IST1: variants seen among roughly 807,000 people sequenced by gnomAD.
The protein encoded by IST1 is IST1 homolog.
Under a neutral mutation model 37.0 loss-of-function variants are expected in IST1, and 23 were observed. The observed-to-expected ratio is 0.62, with a 90% CI of 0.45 to 0.88. The LOEUF (loss-of-function observed/expected upper bound fraction) is 0.88. Ranked by LOEUF, IST1 falls within the 40% of genes least tolerant of loss-of-function variation. IST1 has a pLI of 0.00. For missense variants in IST1, 488 were observed against 445.4 expected, an observed-to-expected ratio of 1.10 and a Z score of -0.86; for synonymous variants, 180 against 161.7, an observed-to-expected ratio of 1.11 and a Z score of -0.86.
At chr16:71,927,590 CGTT>C (rs777911119) in intron 9 of IST1, 21 bp from the exon 10 acceptor site, 5 of 1,544,940 alleles carry the variant, frequency 3.2e-6, no homozygotes, top group Non-Finnish European at 2.7e-6. Context: ...GTATTTGTAA[CGTT>C]GTGCTCCTTG....
chr16:71,895,871 C>T (rs537917281), intron 1 of IST1, among the ~76,000 whole-genome samples: 2 of 152,338 alleles, frequency 1.3e-5, no homozygotes, highest in East Asian at 1.9e-4. Context: ...CTTAACTTTC[C>T]CCTAGTCTTC....
chr16:71,916,730 CA>C, intron 3 of IST1, 88 bp downstream of exon 3: 1 of 1,128,354 alleles, frequency 8.9e-7, no homozygotes, highest in Non-Finnish European at 1.3e-6. Flanking sequence ...GGGACTATTT[CA>C]CATGCCCAAG....
intron 8 of IST1, chr16:71,924,096 G>A (rs2037678439): frequency 2.2e-6 from 1 of 455,778 alleles, no homozygotes; most frequent in Non-Finnish European, 4.4e-6. Context: ...TGTAGCTGAT[G>A]TGTTCTACCT....
rs1301708687 is a variant in IST1, at chr16:71,927,654, C to CA, written c.943dup (p.Arg315LysfsTer5). 1 of 1,613,810 alleles carries CA rather than the reference C, an allele frequency of 6.2e-7. No homozygotes were observed. ...CAGAAGCCTCTGCAAAGCTTCCTTC[C>CA]AGACCTGCAGATAACTATGACAACT... On this transcript the variant is annotated frameshift_variant, in exon 10 of 10. Transcript: ENST00000378799. LOFTEE classifies it high-confidence loss of function.
intron 3 of IST1, 137 bp from the exon 4 acceptor site, chr16:71,916,910 C>G (rs1229666578): frequency 2.3e-5 from 14 of 616,394 alleles, no homozygotes; most frequent in Non-Finnish European, 3.3e-5. Context: ...ACGAAAATGG[C>G]TAGAAGCCTA....
At chr16:71,922,909 A>G (rs2037641084) in intron 7 of IST1, 2 of 584,036 alleles carry the variant, frequency 3.4e-6, no homozygotes, top group Admixed American at 3.1e-5. Flanking sequence ...CACTTTTCAT[A>G]TAGGTTTACT....
chr16:71,921,898 G>A lies in IST1; in HGVS notation c.552+445G>A, dbSNP rs2037596162. 1.3e-4 allele frequency: 25 copies of A among 185,780 alleles called. 1 individual carries two copies. In the South Asian group the frequency reaches 2.4e-3, roughly 18 times the overall value. The allele number at this position is 185,780 out of a possible 1,614,324, so 11.5% of individuals were successfully genotyped here. ...CACGCCTGTAATCCCAGCACTTTGG[G>A]AGGCCGAGGCAGGCGGATCACAAGG... On this transcript the variant is annotated intron_variant, in intron 6 of 9. Transcript: ENST00000378799.
intron 1 of IST1, chr16:71,903,599 C>G (rs527656132): frequency 2.0e-5 from 3 of 152,228 alleles, no homozygotes; most frequent in South Asian, 4.2e-4. Context: ...GAGACGAGGT[C>G]TTACTGTGTT....
chr16:71,926,777 G>C (rs1351271007), intron 9 of IST1, among the ~76,000 whole-genome samples: 1 of 151,970 alleles, frequency 6.6e-6, no homozygotes, highest in African/African-American at 2.4e-5. Context: ...GCACTATTTT[G>C]ATTTTTTTGT....
chr16:71,902,006 A>G (rs576888820), intron 1 of IST1, among the ~76,000 whole-genome samples: 2 of 152,372 alleles, frequency 1.3e-5, no homozygotes, highest in South Asian at 4.1e-4. Context: ...GAGGCTAGCT[A>G]ATCTTTAGAT....
intron 9 of IST1, among the ~76,000 whole-genome samples, chr16:71,926,413 G>C (rs529565654): frequency 6.6e-6 from 1 of 151,082 alleles, no homozygotes; most frequent in Non-Finnish European, 1.5e-5. Context: ...GCGTGATCTC[G>C]GCTCATTGCA....
At chr16:71,906,603 C>T (rs1372910394) in intron 1 of IST1, among the ~76,000 whole-genome samples, 2 of 152,122 alleles carry the variant, frequency 1.3e-5, no homozygotes, top group Non-Finnish European at 2.9e-5. Flanking sequence ...AGGTGTGAGC[C>T]ACCAGACCTG....
At chr16:71,901,710 TCTTTC>T (rs1023028627) in intron 1 of IST1, among the ~76,000 whole-genome samples, 4 of 152,242 alleles carry the variant, frequency 2.6e-5, no homozygotes, top group Non-Finnish European at 4.4e-5. Context: ...AAATTGCTTT[TCTTTC>T]CTTAATTCTA....
At position 71,929,608 on chromosome 16, in the gene IST1, T is replaced by C. The variant is rs1488725716; in HGVS notation, c.*1795T>C. On this transcript the variant is annotated 3_prime_UTR_variant, in exon 10 of 10. Transcript: ENST00000378799. ...CGTGGCTGCTTGCTCAGATGAGGTT[T>C]TTTGGGGCCAACTGATTCCTAACAA... is the stretch of plus-strand genomic sequence containing the variant. 6 of 1,551,762 alleles carry C rather than the reference T, an allele frequency of 3.9e-6. No homozygotes were observed. The African/African-American group carries it at 4.1e-5, about 11-fold the overall frequency.
intron 4 of IST1, among the ~76,000 whole-genome samples, chr16:71,919,418 C>A (rs1441653458): frequency 6.6e-6 from 1 of 152,226 alleles, no homozygotes; most frequent in African/African-American, 2.4e-5. Flanking sequence ...CGGTCTTGAT[C>A]TGTCACCCAG....
rs760064231 is a variant in IST1, at chr16:71,929,526, G to C, written c.*1713G>C. 4 of 1,545,218 alleles carry C rather than the reference G, an allele frequency of 2.6e-6. No homozygotes were observed. The African/African-American group carries it at 4.1e-5, about 16-fold the overall frequency. On this transcript the variant is annotated 3_prime_UTR_variant, in exon 10 of 10. Transcript: ENST00000378799. The stretch of plus-strand genomic sequence containing the variant: ...CGCTAATAAATACTAAGCCAAGTAG[G>C]AGATAACAGGATTAAGGTAGTTCAT...
Position 71,921,421 on chromosome 16 carries a change from A to C in IST1, c.520A>C (p.Asn174His). ...CCTGATTGAAATTGCAAAGAATTAC[A>C]ACGTACCCTATGAACCTGACTCTGT... Reference protein sequence around the residue: ...RYLIEIAKNYNVPYEPDSVVM... With the variant: ...RYLIEIAKNYHVPYEPDSVVM... The change falls in exon 6 of 10, where the codon AAC becomes CAC. Residue 174 changes from asparagine to histidine, a missense_variant. Asn to His is a moderately conservative substitution (Grantham distance 68). This residue lies in a region of IST1 where 455 missense variants were observed against 386.2 expected (regional missense o/e 1.18). Transcript: ENST00000378799. 6.2e-7 allele frequency: 1 copy of C among 1,612,674 alleles called. No individual in the cohort carries two copies. The highest frequency in any genetic ancestry group is 2.2e-5 in the East Asian group (1 of 44,878).
In IST1 at chr16:71,927,916, C is replaced by T; in HGVS notation, c.*103C>T. 1.2e-6 allele frequency: 1 copy of T among 821,362 alleles called. No homozygotes were observed. The highest frequency in any genetic ancestry group is 2.0e-6 in the Non-Finnish European group (1 of 492,322). 50.9% of individuals were successfully genotyped at this position (821,362 alleles called of 1,614,324 possible). A position where few individuals can be genotyped will look rare whatever the true frequency, so the allele number is the denominator to read the frequency against. ...AAATTCTGTTTCATCTGTTAACCGT[C>T]ACTCAGCACAACACTCCCTCTGGGC... is the stretch of plus-strand genomic sequence containing the variant. On this transcript the variant is annotated 3_prime_UTR_variant, in exon 10 of 10. Transcript: ENST00000378799.
rs751303016 is a variant in IST1, at chr16:71,927,832, C to G, written c.*19C>G. 10 of 1,594,386 alleles carry G rather than the reference C, an allele frequency of 6.3e-6. No homozygotes were observed. Among genetic ancestry groups the G allele is most frequent in the Admixed American group, 1.7e-5 (1 of 59,856 alleles). ...AACATAGGTCTCTTAAACCAGGCAA[C>G]TTTCACGTTTTGGGAGTTGAGACTG... On this transcript the variant is annotated 3_prime_UTR_variant, in exon 10 of 10. Transcript: ENST00000378799.
Sources: allele counts gnomAD v4.1 joint callset (sites outside exome capture counted in the v4.1 genomes callset), GRCh38; gene constraint gnomAD v4.1.1; regional missense constraint gnomAD v4.1.1; transcripts MANE v1.5; gene names NCBI Gene and HGNC (gene_info 2026-07-23, HGNC 2026-07-21).